The following SLC13A3 variants were observed in gnomAD, a reference collection of about 807,000 sequenced individuals.
SLC13A3 encodes the protein solute carrier family 13 member 3, also known as Na(+)/dicarboxylate cotransporter 3.
Under a neutral mutation model 59.0 loss-of-function variants are expected in SLC13A3, and 40 were observed. The observed-to-expected ratio is 0.68, with a 90% CI of 0.53 to 0.88. The LOEUF (loss-of-function observed/expected upper bound fraction) is 0.88, where lower values mean the gene tolerates loss of function less well. SLC13A3 is among the 40% of genes least tolerant of loss of function. The probability of loss-of-function intolerance (pLI) is 0.00; values close to 1 mark genes in which losing one functional copy is unlikely to be tolerated. For synonymous variants in SLC13A3, 317 were observed against 330.3 expected (o/e 0.96, Z 0.44); for missense variants, 699 against 783.2 (o/e 0.89, Z 1.28).
intron 9 of SLC13A3, among the ~76,000 whole-genome samples, chr20:46,578,185 C>T (rs906787130): frequency 6.6e-6 from 1 of 151,722 alleles, no homozygotes; most frequent in Non-Finnish European, 1.5e-5. Flanking sequence ...CCGCCTCGGC[C>T]TCCCAAAGTG....
intron 1 of SLC13A3, among the ~76,000 whole-genome samples, chr20:46,622,621 CGTGTGTGTGTGTGTGTGTGTGTGT>C (rs11469544): frequency 5.2e-5 from 7 of 134,072 alleles, no homozygotes; most frequent in African/African-American, 1.6e-4. Flanking sequence ...GTGGTGTGTG[CGTGTGTGTGTGTGTGTGTGTGTGT>C]GTGTGTGTGT....
At chr20:46,618,065 G>A (rs767331547) in intron 1 of SLC13A3, among the ~76,000 whole-genome samples, 49 of 152,074 alleles carry the variant, frequency 3.2e-4, no homozygotes, top group Non-Finnish European at 6.0e-4. Flanking sequence ...TCATCTTTGC[G>A]TTTTGAAAAT....
intron 1 of SLC13A3, among the ~76,000 whole-genome samples, chr20:46,668,500 G>A (rs2063073328): frequency 6.6e-6 from 1 of 152,212 alleles, no homozygotes; most frequent in East Asian, 1.9e-4. Flanking sequence ...TGAGGAAGCT[G>A]CAGAAGAAAA....
At chr20:46,658,209 A>C (rs983525054) in intron 1 of SLC13A3, among the ~76,000 whole-genome samples, 1 of 146,142 alleles carries the variant, frequency 6.8e-6, no homozygotes, top group Non-Finnish European at 1.5e-5. Context: ...AATAAATATC[A>C]AAAAAAAACC....
chr20:46,558,260 G>C lies in SLC13A3; in HGVS notation c.*1762C>G, dbSNP rs1177128998. The C allele has an allele frequency of 3.3e-5, 5 of 152,204 alleles. No individual in the cohort carries two copies. The highest frequency in any genetic ancestry group is 7.3e-5 in the Non-Finnish European group (5 of 68,050). The allele number at this position is 152,204 out of a possible 1,614,324, so 9.4% of individuals were successfully genotyped here. On this transcript the variant is annotated 3_prime_UTR_variant, in exon 13 of 13. Transcript: ENST00000279027. The stretch of plus-strand genomic sequence containing the variant: ...TACTTGGGAGAGAGTGTTCTAGGCA[G>C]AGGGAACAGCACATGCGAAGGCCCT...
chr20:46,606,810 G>A (rs905419993), intron 3 of SLC13A3, among the ~76,000 whole-genome samples: 2 of 152,232 alleles, frequency 1.3e-5, no homozygotes, highest in African/African-American at 2.4e-5. Context: ...CATGCTAATA[G>A]TGCCTCCCCA....
intron 5 of SLC13A3, among the ~76,000 whole-genome samples, chr20:46,592,747 C>T (rs903710791): frequency 6.6e-6 from 1 of 152,130 alleles, no homozygotes; most frequent in Admixed American, 6.5e-5. Context: ...CCAATGGGTG[C>T]CCTACAGTCA....
intron 10 of SLC13A3, among the ~76,000 whole-genome samples, chr20:46,574,679 C>T (rs1385935520): frequency 6.6e-6 from 1 of 152,122 alleles, no homozygotes. Flanking sequence ...TGCCTGGATT[C>T]TAATCCTGAC....
chr20:46,559,366 G>A lies in SLC13A3; in HGVS notation c.*656C>T, dbSNP rs992254672. ...GCTGCGGTTTCTAGAACTTCCCCTG[G>A]TATGCTCAGGAGCCCAGAGAAACAG... On this transcript the variant is annotated 3_prime_UTR_variant, in exon 13 of 13. Transcript: ENST00000279027. 16 of 152,208 alleles carry A rather than the reference G, an allele frequency of 1.1e-4. No individual in the cohort carries two copies. The highest frequency in any genetic ancestry group is 3.9e-4 in the African/African-American group (16 of 41,438). The allele number at this position is 152,208 out of a possible 1,614,324, so 9.4% of individuals were successfully genotyped here.
intron 1 of SLC13A3, among the ~76,000 whole-genome samples, chr20:46,641,694 A>G (rs1392663186): frequency 1.3e-5 from 2 of 152,202 alleles, no homozygotes; most frequent in African/African-American, 4.8e-5. Context: ...GGGCACAGTG[A>G]GAAAAGACAA....
intron 5 of SLC13A3, among the ~76,000 whole-genome samples, chr20:46,594,532 C>T (rs1213790724): frequency 6.6e-6 from 1 of 152,056 alleles, no homozygotes; most frequent in African/African-American, 2.4e-5. Context: ...CCTACCTTCC[C>T]CCTTGGCAGA....
chr20:46,563,630 G>GAGAGAGAGAC, intron 11 of SLC13A3, 79 bp from the exon 12 acceptor site: 1 of 1,473,730 alleles, frequency 6.8e-7, no homozygotes. Context: ...GAGAGAGAGA[G>GAGAGAGAGAC]AGGCAGTTGG....
intron 6 of SLC13A3, among the ~76,000 whole-genome samples, chr20:46,590,680 C>T (rs2062243930): frequency 6.6e-6 from 1 of 152,096 alleles, no homozygotes; most frequent in Non-Finnish European, 1.5e-5. Flanking sequence ...GAAGCAGACA[C>T]TCTCATACAT....
At position 46,614,522 on chromosome 20, in the gene SLC13A3, G is replaced by C. The variant is rs891694315; in HGVS notation, c.112-797C>G. Among the ~76,000 whole-genome samples the C allele has an allele frequency of 1.2e-4, 19 of 152,214 alleles. 1 individual carries two copies. Among genetic ancestry groups the C allele is most frequent in the Non-Finnish European group, 2.2e-4 (15 of 68,040 alleles). On this transcript the variant is annotated intron_variant, in intron 1 of 12. Coordinates refer to ENST00000279027, the MANE Select transcript of SLC13A3 (RefSeq NM_022829.6). ...AATGGTGAGCACCAGTGGGGGTGTG[G>C]AGTTGGGACAGGGAGCAACTGCCAC...
At chr20:46,649,340 G>A (rs535422237) in intron 1 of SLC13A3, among the ~76,000 whole-genome samples, 1 of 152,080 alleles carries the variant, frequency 6.6e-6, no homozygotes, top group Non-Finnish European at 1.5e-5. Context: ...CCCAAGCCTC[G>A]TACCGAATCC....
At chr20:46,647,036 A>G (rs974799297) in intron 1 of SLC13A3, among the ~76,000 whole-genome samples, 12 of 152,136 alleles carry the variant, frequency 7.9e-5, no homozygotes, top group African/African-American at 2.9e-4. Flanking sequence ...TCTCTATCCC[A>G]GAGTAAGTCT....
chr20:46,577,833 G>C (rs1306400506), intron 9 of SLC13A3, among the ~76,000 whole-genome samples: 2 of 152,108 alleles, frequency 1.3e-5, no homozygotes, highest in African/African-American at 2.4e-5. Flanking sequence ...GTGTGATTTG[G>C]GCCAGTGTCA....
chr20:46,600,877 G>A (rs1207365470), intron 3 of SLC13A3, among the ~76,000 whole-genome samples: 1 of 152,186 alleles, frequency 6.6e-6, no homozygotes, highest in African/African-American at 2.4e-5. Context: ...AATGTGACTG[G>A]AAAGTGGAGA....
intron 5 of SLC13A3, among the ~76,000 whole-genome samples, chr20:46,593,412 G>T (rs949290719): frequency 6.6e-6 from 1 of 152,148 alleles, no homozygotes; most frequent in Non-Finnish European, 1.5e-5. Context: ...AAAGTATGTG[G>T]ATACTCACGG....
Sources: gnomAD v4.1 joint callset for allele counts (sites outside exome capture counted in the v4.1 genomes callset) on GRCh38, gnomAD v4.1.1 for gene constraint, MANE v1.5 for transcripts, NCBI Gene and HGNC (gene_info 2026-07-23, HGNC 2026-07-21) for gene names.